The following TTN variants were observed in gnomAD, a reference collection of about 807,000 sequenced individuals.
The protein encoded by TTN is connectin.
TTN carries 1,525 observed loss-of-function variants against 3,223.0 expected under a neutral mutation model. That is an observed-to-expected ratio of 0.47 (90% CI 0.45 to 0.49). The LOEUF (loss-of-function observed/expected upper bound fraction) is 0.49. TTN is among the 20% of genes least tolerant of loss of function. The pLI, the probability that TTN is intolerant of heterozygous loss-of-function variation, is 0.00. For synonymous variants in TTN, 14,094 were observed against 15,161.0 expected (o/e 0.93, Z 5.17); for missense variants, 40,786 against 43,424.0 (o/e 0.94, Z 5.40).
intron 216 of TTN, 45 bp from the exon 217 acceptor site, chr2:178,646,075 A>T: frequency 1.5e-6 from 1 of 656,846 alleles, no homozygotes; most frequent in Non-Finnish European, 2.2e-6. Context: ...ATATGTTAGC[A>T]TGTGGATATG....
Position 178,578,683 on chromosome 2 carries a change from C to T in TTN, c.68257G>A (p.Val22753Met). 1.2e-6 allele frequency: 2 copies of T among 1,611,632 alleles called. No individual in the cohort carries two copies. The highest frequency in any genetic ancestry group is 1.7e-6 in the Non-Finnish European group (2 of 1,179,002). The change falls in exon 321 of 363, where the codon GTG (valine) becomes ATG (methionine). Residue 22753 changes from valine (V) to methionine (M), a missense_variant. Physicochemically the swap from Val to Met is conservative, Grantham distance 21 (BLOSUM62 1). Transcript: ENST00000589042. ...GATACTGAATCGTGTCTGACATCCA[C>T]AATATTGGGAGGTGGGGGAGCATCA... ...VPDAPPPPNI[V>M]DVRHDSVSLT...
Position 178,534,724 on chromosome 2 carries a change from C to T in TTN, c.101891G>A (p.Arg33964His), listed in dbSNP as rs55669553. The change falls in exon 358 of 363, where the codon CGT (arginine) becomes CAT (histidine). Residue 33964 changes from arginine (R) to histidine (H), a missense_variant. Arg to His is a conservative substitution (Grantham distance 29). Coordinates refer to ENST00000589042, the MANE Select transcript of TTN (RefSeq NM_001267550.2). ...TIKIIEFGQA[R>H]QLKPGDNFRL... is the part of the protein sequence containing the mutation. Reference sequence around the variant, plus strand: ...GAAGTTGTCCCCTGGTTTCAGCTGACGGGCTTGACCAAATTCTATGATTTT... The same window carrying T: ...GAAGTTGTCCCCTGGTTTCAGCTGATGGGCTTGACCAAATTCTATGATTTT... 2.2e-3 allele frequency: 3,551 copies of T among 1,613,810 alleles called. 53 individuals carry two copies. Among genetic ancestry groups the T allele is most frequent in the South Asian group, 0.022 (1,967 of 91,086 alleles).
In TTN at chr2:178,537,729, C is replaced by T. The variant is rs794729553; in HGVS notation, c.99478G>A (p.Val33160Ile). 2.5e-6 allele frequency: 4 copies of T among 1,613,756 alleles called. No individual in the cohort carries two copies. The highest frequency in any genetic ancestry group is 3.4e-6 in the Non-Finnish European group (4 of 1,179,778). The change falls in exon 355 of 363, where the codon GTA becomes ATA. Residue 33160 changes from valine (V) to isoleucine (I), a missense_variant. Coordinates refer to ENST00000589042, the MANE Select transcript of TTN (RefSeq NM_001267550.2). ...TCATCTTCCTGTTCCTCTGTCATTA[C>T]TGTAAGAGTGTGTGTGCGTCCATCT... Reference protein sequence around the residue: ...SSDGRTHTLTVMTEEQEDEGV... With the variant: ...SSDGRTHTLTIMTEEQEDEGV...
intron 21 of TTN, among the ~76,000 whole-genome samples, 172 bp from the exon 22 acceptor site, chr2:178,780,377 C>T (rs2092656197): frequency 6.6e-6 from 1 of 152,186 alleles, no homozygotes; most frequent in Non-Finnish European, 1.5e-5. Context: ...GGAAACCAAA[C>T]TAACACTAAC....
chr2:178,774,770 A>T, intron 29 of TTN, 151 bp downstream of exon 29: 1 of 939,298 alleles, frequency 1.1e-6, no homozygotes, highest in South Asian at 1.7e-5. Flanking sequence ...ATTCTTAATT[A>T]CGAACATAAA....
chr2:178,700,176 A>C (rs1236110836), intron 111 of TTN, among the ~76,000 whole-genome samples: 2 of 152,190 alleles, frequency 1.3e-5, no homozygotes, highest in African/African-American at 2.4e-5. Flanking sequence ...ATGATTGTTG[A>C]TTCTTGTTCC....
chr2:178,718,137 G>T lies in TTN; in HGVS notation c.24869C>A (p.Thr8290Asn). ...ATACCAAGAAATTCTAATTTCTGGA[G>T]TTCCATCCACTTTACACTGTAAAGT... ...PATLQCKVDG[T>N]PEIRISWYKE... Residue 8290 changes from threonine to asparagine, a missense_variant, in exon 86 of 363, where the codon ACT becomes AAT. Physicochemically the swap from Thr to Asn is moderately conservative, Grantham distance 65. Coordinates refer to ENST00000589042, the MANE Select transcript of TTN (RefSeq NM_001267550.2). 1 of 1,609,348 alleles carries T rather than the reference G, an allele frequency of 6.2e-7. No individual in the cohort carries two copies. The highest frequency in any genetic ancestry group is 1.1e-5 in the South Asian group (1 of 91,066).
intron 234 of TTN, 62 bp from the exon 235 acceptor site, chr2:178,632,854 G>A: frequency 6.2e-7 from 1 of 1,612,190 alleles, no homozygotes; most frequent in Admixed American, 1.7e-5. Flanking sequence ...CTTGATCAAT[G>A]CAGGGGTGTA....
chr2:178,614,339 C>A lies in TTN; in HGVS notation c.49058G>T (p.Gly16353Val). 1.2e-6 allele frequency: 2 copies of A among 1,612,280 alleles called. No individual in the cohort carries two copies. The highest frequency in any genetic ancestry group is 1.7e-6 in the Non-Finnish European group (2 of 1,179,112). Reference protein sequence around the residue: ...VVEVNVLDKPGPPAAFDITDV... With the variant: ...VVEVNVLDKPVPPAAFDITDV... ...TGTGATGTCAAAGGCAGCTGGTGGT[C>A]CGGGTTTATCTGTGTATGGCATTAC... Residue 16353 changes from glycine to valine, a missense_variant, in exon 262 of 363, where the codon GGA becomes GTA. Physicochemically the swap from Gly to Val is moderately radical, Grantham distance 109 (BLOSUM62 -3). Coordinates refer to ENST00000589042, the MANE Select transcript of TTN (RefSeq NM_001267550.2).
Position 178,578,097 on chromosome 2 carries a change from T to C in TTN, c.68418A>G (p.Thr22806=), listed in dbSNP as rs2154174268. 3.1e-6 allele frequency: 5 copies of C among 1,613,332 alleles called. No homozygotes were observed. Among genetic ancestry groups the C allele is most frequent in the Non-Finnish European group, 4.2e-6 (5 of 1,179,484 alleles). The change falls in exon 322 of 363, where the codon ACA becomes ACG. Residue 22806 remains threonine, a synonymous_variant. Coordinates refer to ENST00000589042, the MANE Select transcript of TTN (RefSeq NM_001267550.2). ...CATATTCAAGACCTTCAGTTAATCC[T>C]GTCACTTTAAAGTCTCTCATCCTTA... ...TPIRMRDFKV[T]GLTEGLEYEF...
rs1553718274 is a variant in TTN at position 178,621,440 on chromosome 2, T to G, written c.45349+35A>C. On this transcript the variant is annotated intron_variant, in intron 245 of 362. Coordinates refer to ENST00000589042, the MANE Select transcript of TTN (RefSeq NM_001267550.2). Reference sequence around the variant, plus strand: ...TTTAAATCTAGCAAGTGTGAATTGTTAGAAATAAAAGATTATTCACTGTAG... The same window carrying G: ...TTTAAATCTAGCAAGTGTGAATTGTGAGAAATAAAAGATTATTCACTGTAG... The G allele has an allele frequency of 2.7e-6, 4 of 1,483,858 alleles. No homozygotes were observed. The South Asian group carries it at 6.2e-5, about 23-fold the overall frequency. The allele number at this position is 1,483,858 out of a possible 1,614,324, so 91.9% of individuals were successfully genotyped here. A position where few individuals can be genotyped will look rare whatever the true frequency, so the allele number is the denominator to read the frequency against.
rs1704984751 is a variant in TTN, at chr2:178,564,608, C to T, written c.81524G>A (p.Gly27175Asp). 1 of 1,613,384 alleles carries T rather than the reference C, an allele frequency of 6.2e-7. No individual in the cohort carries two copies. Residue 27175 changes from glycine (G) to aspartate (D), a missense_variant, in exon 326 of 363, where the codon GGT becomes GAT. Transcript: ENST00000589042. Reference sequence around the variant, plus strand: ...TGTAATAACAATGGCTTCAGGGCGACCAGGTGGGTCACATGGATCACGAGC... The same window carrying T: ...TGTAATAACAATGGCTTCAGGGCGATCAGGTGGGTCACATGGATCACGAGC... ...FVARDPCDPPGRPEAIVITRN... is the reference protein window; with the variant it reads ...FVARDPCDPPDRPEAIVITRN...
intron 9 of TTN, among the ~76,000 whole-genome samples, chr2:178,792,462 T>C (rs1241186779): frequency 6.6e-6 from 1 of 152,206 alleles, no homozygotes; most frequent in Non-Finnish European, 1.5e-5. Flanking sequence ...TTCTTTAAAA[T>C]GACTTCCAAT....
At chr2:178,688,034 T>C in intron 127 of TTN, 77 bp downstream of exon 127, 1 of 1,187,886 alleles carries the variant, frequency 8.4e-7, no homozygotes, top group South Asian at 1.4e-5. Context: ...TCTCTTTTCA[T>C]TGGTCTGTAG....
At chr2:178,804,742 C>T in intron 1 of TTN, 87 bp from the exon 2 acceptor site, 1 of 1,209,976 alleles carries the variant, frequency 8.3e-7, no homozygotes, top group East Asian at 2.4e-5. Context: ...ACACGTTTCT[C>T]CAAATGGATT....
At chr2:178,745,891 A>G (rs1035757359) in intron 47 of TTN, 6 of 1,612,102 alleles carry the variant, frequency 3.7e-6, no homozygotes, top group Non-Finnish European at 5.1e-6. Flanking sequence ...ATTCAAAAAA[A>G]CTGTCTGTGT....
Position 178,575,785 on chromosome 2 carries a change from C to A in TTN, c.70347G>T (p.Lys23449Asn), listed in dbSNP as rs957102264. Residue 23449 changes from lysine to asparagine, a missense_variant, in exon 326 of 363, where the codon AAG becomes AAT. Coordinates refer to ENST00000589042, the MANE Select transcript of TTN (RefSeq NM_001267550.2). The surrounding 1 kb of genome is among the most constrained non-coding windows in gnomAD (Gnocchi z 4.0). ...GGTCCCAGTGCAGGGTGACACTGTC[C>A]TTTGTGATGTCTGTAGGCCGCAGGT... The part of the protein sequence containing the change: ...VLNLRPTDIT[K>N]DSVTLHWDLP... 1 of 1,613,116 alleles carries A rather than the reference C, an allele frequency of 6.2e-7. No individual in the cohort carries two copies. Among genetic ancestry groups the A allele is most frequent in the African/African-American group, 1.3e-5 (1 of 75,000 alleles).
At chr2:178,753,943 GT>G (rs762759602) in intron 46 of TTN, 2 of 152,080 alleles carry the variant, frequency 1.3e-5, no homozygotes, top group Non-Finnish European at 2.9e-5. Flanking sequence ...CTCTCTGAGT[GT>G]TTTAATACTT....
chr2:178,584,337 GT>G lies in TTN; in HGVS notation c.65213del (p.Asn21738ThrfsTer15). Reference protein sequence around the residue: ...LEYSFRIYALNKAGSSPPSKP... With the variant: ...LEYSFRIYALXKAGSSPPSKP... ...TGCTGGGTGGGCTGGATCCAGCTTT[GT>G]TTAGGGCATAGATTCTGAATGAATA... On this transcript the variant is annotated frameshift_variant, in exon 311 of 363. Transcript: ENST00000589042. LOFTEE classifies it high-confidence loss of function. 6.2e-7 allele frequency: 1 copy of G among 1,609,608 alleles called. No homozygotes were observed. Among genetic ancestry groups the G allele is most frequent in the Non-Finnish European group, 8.5e-7 (1 of 1,176,610 alleles).
Sources: allele counts gnomAD v4.1 joint callset (sites outside exome capture counted in the v4.1 genomes callset), GRCh38; gene constraint gnomAD v4.1.1; non-coding constraint Gnocchi (gnomAD v3.1); transcripts MANE v1.5; gene names NCBI Gene and HGNC (gene_info 2026-07-23, HGNC 2026-07-21).